PAG1: variants seen among roughly 807,000 people sequenced by gnomAD.
PAG1 encodes phosphoprotein membrane anchor with glycosphingolipid microdomains 1, also known as phosphoprotein associated with glycosphingolipid-enriched microdomains 1.
Under a neutral mutation model 31.7 loss-of-function variants are expected in PAG1, and 23 were observed. The ratio of observed to expected loss-of-function variants is 0.73; its 90% CI spans 0.52 to 1.03. PAG1 has a LOEUF of 1.03. PAG1 is among the 50% of genes least tolerant of loss of function. The probability of loss-of-function intolerance (pLI) is 0.00; values close to 1 mark genes in which losing one functional copy is unlikely to be tolerated. For synonymous variants in PAG1, 214 were observed against 210.3 expected (o/e 1.02, Z -0.15); for missense variants, 473 against 540.7 (o/e 0.87, Z 1.24).
chr8:81,080,904 G>C (rs1183877427), intron 1 of PAG1, among the ~76,000 whole-genome samples: 1 of 152,084 alleles, frequency 6.6e-6, no homozygotes, highest in African/African-American at 2.4e-5. Flanking sequence ...CCTAGGAAAA[G>C]TGCTTAAAAC....
intron 6 of PAG1, among the ~76,000 whole-genome samples, chr8:80,986,481 C>G (rs920777397): frequency 1.3e-5 from 2 of 152,180 alleles, no homozygotes; most frequent in African/African-American, 4.8e-5. Flanking sequence ...CAAGAGTACA[C>G]AATGCATGAT....
intron 2 of PAG1, among the ~76,000 whole-genome samples, chr8:81,064,019 G>A (rs1808962478): frequency 6.7e-6 from 1 of 149,392 alleles, no homozygotes; most frequent in Non-Finnish European, 1.5e-5. Flanking sequence ...AGACAAACTG[G>A]AGATCTCAGA....
intron 2 of PAG1, among the ~76,000 whole-genome samples, chr8:81,064,366 T>C (rs1808968971): frequency 6.6e-6 from 1 of 152,162 alleles, no homozygotes; most frequent in African/African-American, 2.4e-5. Flanking sequence ...ACTCACCTCC[T>C]GCTGTGTGGC....
chr8:81,060,000 AAGAGTG>A (rs1808892184), intron 2 of PAG1, among the ~76,000 whole-genome samples: 1 of 151,992 alleles, frequency 6.6e-6, no homozygotes, highest in Admixed American at 6.6e-5. Context: ...CCTGGGCAAA[AAGAGTG>A]AGACTCCATC....
chr8:81,094,566 T>C (rs568153829), intron 1 of PAG1, among the ~76,000 whole-genome samples: 64 of 152,248 alleles, frequency 4.2e-4, no homozygotes, highest in Non-Finnish European at 7.1e-4. Flanking sequence ...ACTTCTTTTA[T>C]GGGAAAAAGA....
At chr8:80,981,066 C>T (rs1807289882) in intron 7 of PAG1, among the ~76,000 whole-genome samples, 1 of 152,116 alleles carries the variant, frequency 6.6e-6, no homozygotes, top group African/African-American at 2.4e-5. Flanking sequence ...AAATCCCGCC[C>T]TTCAGTTCCT....
chr8:80,998,246 C>T (rs547134611), intron 3 of PAG1, among the ~76,000 whole-genome samples: 19 of 151,398 alleles, frequency 1.3e-4, no homozygotes, highest in Admixed American at 2.6e-4. Flanking sequence ...TCTCCTGCCT[C>T]GGCCTCCTGA....
At chr8:81,083,333 A>T (rs1335882051) in intron 1 of PAG1, among the ~76,000 whole-genome samples, 2 of 152,156 alleles carry the variant, frequency 1.3e-5, no homozygotes, top group Non-Finnish European at 1.5e-5. Flanking sequence ...GGAGTTGGGG[A>T]GGGTAGAAAC....
At chr8:81,049,474 A>T (rs1427877146) in intron 2 of PAG1, among the ~76,000 whole-genome samples, 2 of 152,234 alleles carry the variant, frequency 1.3e-5, no homozygotes, top group African/African-American at 4.8e-5. Flanking sequence ...CTAAGCACAT[A>T]AAGGAATTAC....
intron 3 of PAG1, among the ~76,000 whole-genome samples, chr8:81,006,696 A>G (rs1222181014): frequency 6.6e-6 from 1 of 152,204 alleles, no homozygotes; most frequent in East Asian, 1.9e-4. Flanking sequence ...GAAATCATGA[A>G]TAAAATGGAA....
intron 1 of PAG1, among the ~76,000 whole-genome samples, chr8:81,099,344 T>C (rs1200139506): frequency 6.6e-6 from 1 of 152,220 alleles, no homozygotes; most frequent in African/African-American, 2.4e-5. Flanking sequence ...ATTATTTTTG[T>C]AGACAGAGTT....
intron 1 of PAG1, among the ~76,000 whole-genome samples, chr8:81,107,284 A>C (rs954217475): frequency 6.6e-6 from 1 of 152,184 alleles, no homozygotes; most frequent in East Asian, 1.9e-4. Context: ...AGTGGCTAAG[A>C]AGGTAGGCAT....
At chr8:81,050,892 C>A (rs1808717528) in intron 2 of PAG1, among the ~76,000 whole-genome samples, 1 of 152,144 alleles carries the variant, frequency 6.6e-6, no homozygotes, top group African/African-American at 2.4e-5. Context: ...CTTCAGCCTC[C>A]CAGAATCATC....
In PAG1 at chr8:81,104,457, C is replaced by T. The variant is rs75853729; in HGVS notation, c.-234+7134G>A. On this transcript the variant is annotated intron_variant, in intron 1 of 8. Transcript: ENST00000220597. The stretch of plus-strand genomic sequence containing the variant: ...AACCTCAACAACAATTTCAAATACA[C>T]GGAAGACTTGCAAACCTGCATTTCC... Among the ~76,000 whole-genome samples the T allele has an allele frequency of 4.1e-3, 626 of 151,212 alleles. 3 individuals are homozygous for T. The highest frequency in any genetic ancestry group is 0.014 in the African/African-American group (596 of 41,152).
intron 2 of PAG1, among the ~76,000 whole-genome samples, chr8:81,035,136 C>G (rs151221074): frequency 6.6e-6 from 1 of 151,982 alleles, no homozygotes; most frequent in Non-Finnish European, 1.5e-5. Context: ...TCAGGAGGGT[C>G]GTCCATTACC....
chr8:81,055,185 T>C (rs1255792442), intron 2 of PAG1, among the ~76,000 whole-genome samples: 2 of 151,144 alleles, frequency 1.3e-5, no homozygotes, highest in Non-Finnish European at 2.9e-5. Context: ...CGCCTCAGCC[T>C]CCCAAATAGC....
intron 1 of PAG1, among the ~76,000 whole-genome samples, chr8:81,097,130 T>TAAA (rs910583698): frequency 3.3e-5 from 5 of 152,176 alleles, no homozygotes; most frequent in Admixed American, 6.5e-5. Context: ...GGAAAGCATT[T>TAAA]AAAAACTACC....
At chr8:81,003,314 A>C (rs949667429) in intron 3 of PAG1, among the ~76,000 whole-genome samples, 11 of 152,194 alleles carry the variant, frequency 7.2e-5, no homozygotes, top group Non-Finnish European at 1.2e-4. Flanking sequence ...ACTGGCTTCC[A>C]GGTGACATCC....
intron 1 of PAG1, among the ~76,000 whole-genome samples, chr8:81,080,305 TA>T (rs775725049): frequency 3.2e-4 from 49 of 152,278 alleles, no homozygotes; most frequent in Admixed American, 1.4e-3. Flanking sequence ...ATGGGGGTCT[TA>T]AGTTTAACAA....
Sources: gnomAD v4.1 joint callset for allele counts (sites outside exome capture counted in the v4.1 genomes callset) on GRCh38, gnomAD v4.1.1 for gene constraint, MANE v1.5 for transcripts, NCBI Gene and HGNC (gene_info 2026-07-23, HGNC 2026-07-21) for gene names.